Variants in CUX2 observed in about 807,000 individuals in gnomAD.
The protein encoded by CUX2 is homeobox protein cut-like 2.
CUX2 carries 40 observed loss-of-function variants against 144.8 expected under a neutral mutation model. The ratio of observed to expected loss-of-function variants is 0.28; its 90% CI spans 0.21 to 0.36. The LOEUF is 0.36. Among genes scored for constraint, CUX2 ranks in the 10% least tolerant of loss-of-function variants. CUX2 has a pLI of 1.00. For missense variants in CUX2, 1,615 were observed against 1,994.0 expected (o/e 0.81, Z 3.62); for synonymous variants, 827 against 875.6 (o/e 0.94, Z 0.98).
intron 1 of CUX2, among the ~76,000 whole-genome samples, chr12:111,111,671 C>T (rs540742232): frequency 1.3e-5 from 2 of 152,288 alleles, no homozygotes; most frequent in East Asian, 3.9e-4. Context: ...ACTTGAACTT[C>T]TGCATTCCCA....
At position 111,287,644 on chromosome 12, in the gene CUX2, C is replaced by T. The variant is rs1480544503; in HGVS notation, c.302-3774C>T. Among the ~76,000 whole-genome samples, 1 of 152,258 alleles carries T rather than the reference C, an allele frequency of 6.6e-6. No homozygotes were observed. Among genetic ancestry groups the T allele is most frequent in the Non-Finnish European group, 1.5e-5 (1 of 68,048 alleles). ...ACATCAGCCCGGGGAGACATAATGGCATACCCTGCTGCGCAGGCCCTGCCT... is the reference window on the plus strand; with the variant it reads ...ACATCAGCCCGGGGAGACATAATGGTATACCCTGCTGCGCAGGCCCTGCCT... On this transcript the variant is annotated intron_variant, in intron 4 of 21. Coordinates refer to ENST00000261726, the MANE Select transcript of CUX2 (RefSeq NM_015267.4). The surrounding 1 kb of genome is among the most constrained non-coding windows in gnomAD (Gnocchi z 4.2).
At chr12:111,170,531 C>T (rs1326058169) in intron 1 of CUX2, among the ~76,000 whole-genome samples, 4 of 148,190 alleles carry the variant, frequency 2.7e-5, no homozygotes, top group Non-Finnish European at 4.5e-5. Flanking sequence ...GCTGGATGCA[C>T]ACCCCCAGCT....
intron 1 of CUX2, among the ~76,000 whole-genome samples, chr12:111,052,985 C>T (rs1219800190): frequency 6.6e-6 from 1 of 152,108 alleles, no homozygotes; most frequent in Non-Finnish European, 1.5e-5. Context: ...ACCTTCATCC[C>T]TTTGAGGGGA....
Position 111,304,206 on chromosome 12 carries a change from C to T in CUX2, c.754-4C>T. ...TCTCGCCCACACTGTCCCCTTCTCC[C>T]CAGCGAGCTGAGGCTGCCCAGCGGG... On this transcript the variant is annotated splice_polypyrimidine_tract_variant and splice_region_variant and intron_variant, in intron 9 of 21. Coordinates refer to ENST00000261726, the MANE Select transcript of CUX2 (RefSeq NM_015267.4). This position sits in a 1 kb window ranked among gnomAD's most constrained non-coding sequence, Gnocchi z 4.7. 2 of 1,611,228 alleles carry T rather than the reference C, an allele frequency of 1.2e-6. No homozygotes were observed. The highest frequency in any genetic ancestry group is 8.5e-7 in the Non-Finnish European group (1 of 1,178,708).
intron 1 of CUX2, among the ~76,000 whole-genome samples, chr12:111,045,249 G>C (rs536969424): frequency 6.6e-6 from 1 of 150,952 alleles, no homozygotes; most frequent in African/African-American, 2.5e-5. Flanking sequence ...GTTTATAATC[G>C]GGGGGAGACC....
intron 1 of CUX2, among the ~76,000 whole-genome samples, chr12:111,076,244 A>T (rs1424750690): frequency 2.0e-5 from 3 of 152,200 alleles, no homozygotes; most frequent in Non-Finnish European, 4.4e-5. Context: ...ATCCACCACC[A>T]CTGACTTTAT....
intron 19 of CUX2, among the ~76,000 whole-genome samples, 157 bp downstream of exon 19, chr12:111,334,867 G>C (rs757779124): frequency 1.3e-5 from 2 of 152,170 alleles, no homozygotes; most frequent in Non-Finnish European, 2.9e-5. Context: ...CCAGGAGTTT[G>C]AGGCCAACCT....
At chr12:111,038,020 CAG>C (rs1869544352) in intron 1 of CUX2, among the ~76,000 whole-genome samples, 1 of 152,158 alleles carries the variant, frequency 6.6e-6, no homozygotes, top group South Asian at 2.1e-4. Flanking sequence ...GAAAGATCAA[CAG>C]GATGAGCAAA....
At chr12:111,066,851 C>T (rs1871041874) in intron 1 of CUX2, among the ~76,000 whole-genome samples, 1 of 152,190 alleles carries the variant, frequency 6.6e-6, no homozygotes, top group Non-Finnish European at 1.5e-5. Context: ...TGAGCATCAG[C>T]TTCTCCAACT....
intron 1 of CUX2, among the ~76,000 whole-genome samples, chr12:111,091,878 T>C (rs945317486): frequency 1.3e-5 from 2 of 152,160 alleles, no homozygotes; most frequent in Non-Finnish European, 2.9e-5. Context: ...TTTGCACCTG[T>C]CTCTTCTTAT....
At chr12:111,319,871 TTTAG>T in intron 16 of CUX2, 137 bp from the exon 17 acceptor site, 7 of 1,271,456 alleles carry the variant, frequency 5.5e-6, no homozygotes, top group Non-Finnish European at 7.2e-6. Flanking sequence ...GGGATCATAA[TTTAG>T]TTAGCCAATC....
intron 1 of CUX2, among the ~76,000 whole-genome samples, chr12:111,158,278 A>G (rs559578600): frequency 1.1e-4 from 16 of 152,024 alleles, no homozygotes; most frequent in Non-Finnish European, 1.9e-4. Flanking sequence ...AGCACCTTTG[A>G]TTTTTTGTTG....
chr12:111,047,069 C>T (rs1284845453), intron 1 of CUX2, among the ~76,000 whole-genome samples: 1 of 152,232 alleles, frequency 6.6e-6, no homozygotes, highest in Non-Finnish European at 1.5e-5. Context: ...TGAGAGAAAG[C>T]TCCCGGTTCC....
At chr12:111,049,842 C>T (rs1038153112) in intron 1 of CUX2, among the ~76,000 whole-genome samples, 5 of 152,150 alleles carry the variant, frequency 3.3e-5, no homozygotes, top group African/African-American at 4.8e-5. Context: ...TGGTCTGTGA[C>T]CAAGGAGGTG....
rs890569992 is a variant in CUX2 at position 111,171,581 on chromosome 12, C to T, written c.64-42619C>T. On this transcript the variant is annotated intron_variant, in intron 1 of 21. Transcript: ENST00000261726. This position sits in a 1 kb window ranked among gnomAD's most constrained non-coding sequence, Gnocchi z 5.0. ...GGCTCAGTGGGTCTCCGGAGCACAG[C>T]CACCTGACACATCTGGGGCTATGGG... Among the ~76,000 whole-genome samples the T allele has an allele frequency of 6.6e-6, 1 of 152,132 alleles. No homozygotes were observed. Among genetic ancestry groups the T allele is most frequent in the Non-Finnish European group, 1.5e-5 (1 of 68,024 alleles).
chr12:111,124,779 C>T (rs75089852), intron 1 of CUX2, among the ~76,000 whole-genome samples: 5,675 of 152,162 alleles, frequency 0.037, 362 homozygotes, highest in African/African-American at 0.13. Context: ...GTTTTTTGAC[C>T]CTTGCTTCCC....
In CUX2 at chr12:111,142,478, G is replaced by A. The variant is rs140959322; in HGVS notation, c.64-71722G>A. Reference sequence around the variant, plus strand: ...TTAATAAAACAGGTGAGGTAGCTCCGTCTGTCTGCCTGTATCCTTGGACCA... The same window carrying A: ...TTAATAAAACAGGTGAGGTAGCTCCATCTGTCTGCCTGTATCCTTGGACCA... On this transcript the variant is annotated intron_variant, in intron 1 of 21. Transcript: ENST00000261726. 1.0e-3 allele frequency among the ~76,000 whole-genome samples: 153 copies of A among 149,488 alleles called. 1 individual carries two copies. The highest frequency in any genetic ancestry group is 3.7e-3 in the African/African-American group (150 of 40,474).
rs551551435 is a variant in CUX2, at chr12:111,277,989, C to T, written c.302-13429C>T. Reference sequence around the variant, plus strand: ...CATTTCCTTGTCTTTTCCACCTTCTCGGGCTGGGGCTGCCTATGTTCCTTG... The same window carrying T: ...CATTTCCTTGTCTTTTCCACCTTCTTGGGCTGGGGCTGCCTATGTTCCTTG... On this transcript the variant is annotated intron_variant, in intron 4 of 21. Transcript: ENST00000261726. This position sits in a 1 kb window ranked among gnomAD's most constrained non-coding sequence, Gnocchi z 5.0. 4.6e-5 allele frequency among the ~76,000 whole-genome samples: 7 copies of T among 152,320 alleles called. No individual in the cohort carries two copies. Among genetic ancestry groups the T allele is most frequent in the South Asian group, 2.1e-4 (1 of 4,830 alleles).
intron 19 of CUX2, 79 bp downstream of exon 19, chr12:111,334,789 T>C: frequency 7.0e-7 from 1 of 1,434,972 alleles, no homozygotes; most frequent in Non-Finnish European, 9.4e-7. Context: ...TGTCTGGAGC[T>C]GGGACCCAGT....
Sources: allele counts gnomAD v4.1 joint callset (sites outside exome capture counted in the v4.1 genomes callset), GRCh38; gene constraint gnomAD v4.1.1; non-coding constraint Gnocchi (gnomAD v3.1); transcripts MANE v1.5; gene names NCBI Gene and HGNC (gene_info 2026-07-23, HGNC 2026-07-21).